Variants in KIF6 observed in about 807,000 individuals in gnomAD.
The protein encoded by KIF6 is kinesin family member 6.
Under a neutral mutation model 112.7 loss-of-function variants are expected in KIF6, and 106 were observed. That is an observed-to-expected ratio of 0.94 (90% CI 0.80 to 1.11). The LOEUF is 1.11. Ranked by LOEUF, KIF6 falls within the 50% of genes least tolerant of loss-of-function variation. KIF6 has a pLI of 0.00. For synonymous variants in KIF6, 339 were observed against 339.9 expected (o/e 1.00, Z 0.03); for missense variants, 929 against 964.0 (o/e 0.96, Z 0.48).
chr6:39,544,498 G>A, intron 12 of KIF6, 57 bp downstream of exon 12: 1 of 1,560,624 alleles, frequency 6.4e-7, no homozygotes, highest in African/African-American at 1.4e-5. Context: ...AAAGACTGCT[G>A]TTTACCCCTT....
At chr6:39,630,754 T>C (rs1319460092) in intron 5 of KIF6, among the ~76,000 whole-genome samples, 1 of 152,026 alleles carries the variant, frequency 6.6e-6, no homozygotes, top group Non-Finnish European at 1.5e-5. Flanking sequence ...TTGTTCCTGA[T>C]CTTGGGAGAA....
At chr6:39,660,396 G>T (rs918161705) in intron 3 of KIF6, among the ~76,000 whole-genome samples, 1 of 152,156 alleles carries the variant, frequency 6.6e-6, no homozygotes, top group Non-Finnish European at 1.5e-5. Context: ...ACCGCTTGAG[G>T]TATCATCAAA....
intron 3 of KIF6, among the ~76,000 whole-genome samples, chr6:39,667,136 G>A (rs560575965): frequency 1.4e-4 from 22 of 152,236 alleles, no homozygotes; most frequent in Non-Finnish European, 2.6e-4. Flanking sequence ...AGAACCAATA[G>A]GATATTTACA....
chr6:39,604,302 T>C (rs534108805), intron 6 of KIF6, among the ~76,000 whole-genome samples: 5 of 152,256 alleles, frequency 3.3e-5, no homozygotes, highest in Non-Finnish European at 5.9e-5. Flanking sequence ...ATATAGTTCT[T>C]CCCATATTAA....
chr6:39,634,710 A>G (rs1784532724), intron 5 of KIF6, 139 bp downstream of exon 5: 1 of 667,220 alleles, frequency 1.5e-6, no homozygotes, highest in South Asian at 1.7e-5. Context: ...AAAAAAATCC[A>G]TTATATTACA....
chr6:39,488,689 T>C (rs1581964151), intron 13 of KIF6, among the ~76,000 whole-genome samples: 1 of 152,208 alleles, frequency 6.6e-6, no homozygotes, highest in African/African-American at 2.4e-5. Flanking sequence ...AATATGCAAA[T>C]ATTTGTCTAG....
At chr6:39,461,227 A>G (rs1773452198) in intron 13 of KIF6, among the ~76,000 whole-genome samples, 1 of 152,206 alleles carries the variant, frequency 6.6e-6, no homozygotes, top group Admixed American at 6.5e-5. Flanking sequence ...AATGACAATT[A>G]TAGCATTCAT....
At chr6:39,725,117 G>A (rs1317602417) in intron 1 of KIF6, 128 bp downstream of exon 1, 7 of 657,572 alleles carry the variant, frequency 1.1e-5, no homozygotes, top group South Asian at 2.1e-5. Flanking sequence ...CAGTGTGTGC[G>A]GGATTCCGGG....
At chr6:39,375,851 G>T (rs1766397835) in intron 16 of KIF6, among the ~76,000 whole-genome samples, 1 of 152,200 alleles carries the variant, frequency 6.6e-6, no homozygotes, top group African/African-American at 2.4e-5. Flanking sequence ...CAGGGTGAAT[G>T]CTCTTTTTGC....
chr6:39,431,247 A>G (rs1771136857), intron 13 of KIF6, 86 bp from the exon 14 acceptor site: 2 of 772,188 alleles, frequency 2.6e-6, no homozygotes, highest in Admixed American at 4.3e-5. Context: ...CCACAAAACC[A>G]GCCCTGGCTC....
chr6:39,722,869 T>A (rs1790299995), intron 1 of KIF6, among the ~76,000 whole-genome samples: 1 of 152,090 alleles, frequency 6.6e-6, no homozygotes, highest in African/African-American at 2.4e-5. Flanking sequence ...GATCAAACAA[T>A]CCACTCTACA....
At chr6:39,621,196 G>GACACACACACAC (rs55752326) in intron 5 of KIF6, among the ~76,000 whole-genome samples, 18 of 136,010 alleles carry the variant, frequency 1.3e-4, no homozygotes, top group African/African-American at 3.7e-4. Context: ...CCGTAAGATA[G>GACACACACACAC]ACACACACAC....
At chr6:39,610,520 G>T (rs771545576) in intron 6 of KIF6, among the ~76,000 whole-genome samples, 1 of 152,160 alleles carries the variant, frequency 6.6e-6, no homozygotes, top group Admixed American at 6.5e-5. Context: ...AAAATGATTC[G>T]TTTGTTCTTT....
intron 3 of KIF6, among the ~76,000 whole-genome samples, chr6:39,692,227 T>C (rs962309618): frequency 4.6e-5 from 7 of 152,272 alleles, no homozygotes; most frequent in Middle Eastern, 3.4e-3. Flanking sequence ...TAAATCATCA[T>C]CCTCAGAACA....
At chr6:39,382,128 A>G (rs1767000360) in intron 16 of KIF6, among the ~76,000 whole-genome samples, 1 of 152,158 alleles carries the variant, frequency 6.6e-6, no homozygotes, top group Admixed American at 6.5e-5. Context: ...CCTAGAGTTG[A>G]GTGGTATTTT....
chr6:39,665,781 G>T (rs1296903472), intron 3 of KIF6, among the ~76,000 whole-genome samples: 1 of 151,944 alleles, frequency 6.6e-6, no homozygotes, highest in African/African-American at 2.4e-5. Flanking sequence ...TCTATGTGAC[G>T]CTGATCTTCC....
In KIF6 at chr6:39,481,285, A is replaced by G. The variant is rs115162723; in HGVS notation, c.1646-50124T>C. On this transcript the variant is annotated intron_variant, in intron 13 of 22. Transcript: ENST00000287152. ...AGTGTCAGGTGGTAATGGAACAGAT[A>G]GGAACTGAAGTGGGAACAAAACCCT... Among the ~76,000 whole-genome samples the G allele has an allele frequency of 9.4e-3, 1,435 of 152,296 alleles. 15 individuals carry two copies. Among genetic ancestry groups the G allele is most frequent in the Middle Eastern group, 0.041 (12 of 294 alleles).
rs181455835 is a variant in KIF6 at position 39,701,165 on chromosome 6, A to T, written c.251+13527T>A. Reference sequence around the variant, plus strand: ...TAATTTTGTAATAATTTACTGATTAAGTTTGCTGCCTGAGCTCCAAAAGTT... The same window carrying T: ...TAATTTTGTAATAATTTACTGATTATGTTTGCTGCCTGAGCTCCAAAAGTT... On this transcript the variant is annotated intron_variant, in intron 3 of 22. Coordinates refer to ENST00000287152, the MANE Select transcript of KIF6 (RefSeq NM_145027.6). Among the ~76,000 whole-genome samples the T allele has an allele frequency of 5.3e-5, 8 of 152,344 alleles. No homozygotes were observed. In the East Asian group the frequency reaches 1.5e-3, roughly 29 times the overall value.
rs1157885640 is a variant in KIF6 at position 39,337,155 on chromosome 6, TTTTCTTTC to T, written c.2429-615_2429-608del. 2.8e-4 allele frequency among the ~76,000 whole-genome samples: 15 copies of T among 53,672 alleles called. 1 individual carries two copies. The highest frequency in any genetic ancestry group is 1.9e-3 in the African/African-American group (13 of 6,774). 35.2% of individuals were successfully genotyped at this position (53,672 alleles called of 152,430 possible). A position where few individuals can be genotyped will look rare whatever the true frequency, so the allele number is the denominator to read the frequency against. On this transcript the variant is annotated intron_variant, in intron 22 of 22. Transcript: ENST00000287152. ...TCCTTCCTTCCTTCCTTTCTCTTTC[TTTTCTTTC>T]TTTCCTTCCTTCTTTCTTTCTTTCT... is the stretch of plus-strand genomic sequence containing the variant.
Sources: gnomAD v4.1 joint callset for allele counts (sites outside exome capture counted in the v4.1 genomes callset) on GRCh38, gnomAD v4.1.1 for gene constraint, MANE v1.5 for transcripts, NCBI Gene and HGNC (gene_info 2026-07-23, HGNC 2026-07-21) for gene names.